PLEKHA5: variants seen among roughly 807,000 people sequenced by gnomAD.
PLEKHA5 encodes the protein pleckstrin homology domain-containing family A member 5.
Under a neutral mutation model 181.9 loss-of-function variants are expected in PLEKHA5, and 55 were observed. That is an observed-to-expected ratio of 0.30 (90% CI 0.24 to 0.38). The LOEUF is 0.38. Ranked by LOEUF, PLEKHA5 falls within the 10% of genes least tolerant of loss-of-function variation. PLEKHA5 has a pLI of 1.00. For synonymous variants in PLEKHA5, 535 were observed against 529.4 expected (o/e 1.01, Z -0.15); for missense variants, 1,432 against 1,549.5 (o/e 0.92, Z 1.27).
intron 3 of PLEKHA5, among the ~76,000 whole-genome samples, chr12:19,239,990 C>T (rs1001554478): frequency 2.0e-5 from 3 of 152,210 alleles, no homozygotes; most frequent in Non-Finnish European, 4.4e-5. Context: ...TGTTATGCTA[C>T]AAGATAGCTA....
chr12:19,314,676 T>A, intron 15 of PLEKHA5, 138 bp from the exon 16 acceptor site: 1 of 675,766 alleles, frequency 1.5e-6, no homozygotes, highest in South Asian at 1.5e-5. Context: ...ATTAAATCTG[T>A]ACAACCATGG....
chr12:19,278,377 TA>T (rs2075170994), intron 11 of PLEKHA5, among the ~76,000 whole-genome samples: 1 of 152,202 alleles, frequency 6.6e-6, no homozygotes, highest in Non-Finnish European at 1.5e-5. Context: ...ATTTTTGAAC[TA>T]TAATTTAGAT....
chr12:19,164,718 A>G (rs1350537269), intron 3 of PLEKHA5, among the ~76,000 whole-genome samples: 1 of 151,882 alleles, frequency 6.6e-6, no homozygotes, highest in Non-Finnish European at 1.5e-5. Flanking sequence ...GCTTGCTTAT[A>G]TCCTTAATGT....
intron 3 of PLEKHA5, chr12:19,207,732 A>G (rs115991273): frequency 7.4e-4 from 113 of 152,292 alleles, no homozygotes; most frequent in African/African-American, 2.6e-3. Context: ...AAACTGTAAT[A>G]TATAATATTA....
intron 13 of PLEKHA5, among the ~76,000 whole-genome samples, chr12:19,288,322 C>G (rs1026412621): frequency 2.0e-5 from 3 of 152,094 alleles, no homozygotes; most frequent in Non-Finnish European, 4.4e-5. Context: ...AACAAGCGTT[C>G]GATCAAAGCA....
intron 3 of PLEKHA5, among the ~76,000 whole-genome samples, chr12:19,157,363 A>G (rs917225509): frequency 6.6e-6 from 1 of 152,126 alleles, no homozygotes; most frequent in Non-Finnish European, 1.5e-5. Context: ...TTCATGATTT[A>G]TTTTGTTGAT....
At chr12:19,247,057 T>A (rs1202676146) in intron 3 of PLEKHA5, among the ~76,000 whole-genome samples, 1 of 152,202 alleles carries the variant, frequency 6.6e-6, no homozygotes, top group Non-Finnish European at 1.5e-5. Context: ...GTTATGATGT[T>A]TTTTAAGGAA....
At chr12:19,315,681 TTTAAAAATCA>T (rs1200330663) in intron 16 of PLEKHA5, among the ~76,000 whole-genome samples, 1 of 152,160 alleles carries the variant, frequency 6.6e-6, no homozygotes, top group East Asian at 1.9e-4. Flanking sequence ...CTTTACAATC[TTTAAAAATCA>T]TGCAGAAGAA....
At chr12:19,290,895 G>A in intron 14 of PLEKHA5, 99 bp downstream of exon 14, 1 of 1,028,348 alleles carries the variant, frequency 9.7e-7, no homozygotes, top group Middle Eastern at 2.5e-4. Context: ...TTGAGCATGA[G>A]CCCATACCAT....
chr12:19,318,392 A>G (rs1010703124), intron 16 of PLEKHA5, among the ~76,000 whole-genome samples: 6 of 152,156 alleles, frequency 3.9e-5, no homozygotes, highest in Non-Finnish European at 8.8e-5. Context: ...CTATTATGAT[A>G]TGCTAACTGA....
chr12:19,342,493 C>T (rs974881308), intron 21 of PLEKHA5, among the ~76,000 whole-genome samples: 5 of 152,012 alleles, frequency 3.3e-5, no homozygotes, highest in African/African-American at 1.2e-4. Flanking sequence ...CCCATCTCTA[C>T]TAAAAATACA....
At chr12:19,301,937 G>A (rs1197577005) in intron 15 of PLEKHA5, among the ~76,000 whole-genome samples, 1 of 152,088 alleles carries the variant, frequency 6.6e-6, no homozygotes, top group Non-Finnish European at 1.5e-5. Context: ...AGAGTGGAAG[G>A]CAAATTTACA....
chr12:19,267,676 A>G (rs1685761288), intron 8 of PLEKHA5, among the ~76,000 whole-genome samples: 2 of 140,590 alleles, frequency 1.4e-5, no homozygotes, highest in Admixed American at 7.2e-5. Flanking sequence ...AACCCCCCAA[A>G]AAAATAGCCA....
intron 3 of PLEKHA5, among the ~76,000 whole-genome samples, chr12:19,163,180 T>C (rs1325297011): frequency 5.7e-5 from 8 of 140,194 alleles, no homozygotes; most frequent in East Asian, 2.0e-4. Context: ...TTGAATTCAC[T>C]TTTTTTTTTT....
At chr12:19,187,234 C>G (rs769584266) in intron 3 of PLEKHA5, among the ~76,000 whole-genome samples, 4 of 152,148 alleles carry the variant, frequency 2.6e-5, no homozygotes, top group Non-Finnish European at 5.9e-5. Context: ...GTTTTCCTAT[C>G]TAAATCTAAA....
At chr12:19,343,286 T>C (rs1217199193) in intron 21 of PLEKHA5, 37 bp from the exon 22 acceptor site, 1 of 1,231,710 alleles carries the variant, frequency 8.1e-7, no homozygotes, top group Non-Finnish European at 1.2e-6. Flanking sequence ...TGAATGATTT[T>C]TTTTCTTATA....
At chr12:19,369,831 T>G (rs2095532169) in intron 31 of PLEKHA5, 33 bp downstream of exon 31, 2 of 1,309,898 alleles carry the variant, frequency 1.5e-6, no homozygotes, top group Non-Finnish European at 2.2e-6. Flanking sequence ...TGTGCTTTAG[T>G]TTTTTACTTG....
Position 19,135,881 on chromosome 12 carries a change from G to GTT in PLEKHA5, c.227+3447_227+3448dup, listed in dbSNP as rs71064059. Among the ~76,000 whole-genome samples, 123 of 128,958 alleles carry GTT rather than the reference G, an allele frequency of 9.5e-4. 1 individual carries two copies. Among genetic ancestry groups the GTT allele is most frequent in the East Asian group, 3.8e-3 (17 of 4,444 alleles). 84.6% of individuals were successfully genotyped at this position (128,958 alleles called of 152,430 possible). On this transcript the variant is annotated intron_variant, in intron 3 of 31. Transcript: ENST00000429027. ...AGTAAAATATGAAAAATCTTACTTT[G>GTT]TTTTTTTTTTTTTTTTTGAGGGGGG...
Position 19,149,298 on chromosome 12 carries a change from C to G in PLEKHA5, c.227+16848C>G, listed in dbSNP as rs1474050052. Among the ~76,000 whole-genome samples the G allele has an allele frequency of 3.3e-5, 5 of 151,764 alleles. No individual in the cohort carries two copies. In the East Asian group the frequency reaches 9.7e-4, roughly 29 times the overall value. On this transcript the variant is annotated intron_variant, in intron 3 of 31. Transcript: ENST00000429027. ...TGGACGGATCACGAGGTCGGGAGAT[C>G]GAGACCATCCTGGCTAGCACGGTGA... is the stretch of plus-strand genomic sequence containing the variant.
Sources: gnomAD v4.1 joint callset for allele counts (sites outside exome capture counted in the v4.1 genomes callset) on GRCh38, gnomAD v4.1.1 for gene constraint, MANE v1.5 for transcripts, NCBI Gene and HGNC (gene_info 2026-07-23, HGNC 2026-07-21) for gene names.